Variants in WDR27 observed in about 807,000 individuals in gnomAD.
WDR27 encodes WD repeat domain 27, also known as WD repeat-containing protein 27.
WDR27 carries 100 observed loss-of-function variants against 114.4 expected under a neutral mutation model. The observed-to-expected ratio is 0.87, with a 90% CI of 0.74 to 1.03. The LOEUF (loss-of-function observed/expected upper bound fraction) is 1.03, where lower values mean the gene tolerates loss of function less well. Ranked by LOEUF, WDR27 falls within the 50% of genes least tolerant of loss-of-function variation. The probability of loss-of-function intolerance (pLI) is 0.00; values close to 1 mark genes in which losing one functional copy is unlikely to be tolerated. For synonymous variants in WDR27, 449 were observed against 423.1 expected (o/e 1.06, Z -0.75); for missense variants, 1,129 against 1,092.9 (o/e 1.03, Z -0.47).
At chr6:169,455,778 T>C (rs1004369107), downstream of WDR27, among the ~76,000 whole-genome samples, 2 of 152,266 alleles carry the variant, frequency 1.3e-5, no homozygotes, top group African/African-American at 4.8e-5. Flanking sequence ...TATACTGCTA[T>C]TCTTATGCTG....
intron 25 of WDR27, among the ~76,000 whole-genome samples, chr6:169,551,303 G>A (rs1051363688): frequency 1.3e-5 from 2 of 152,046 alleles, no homozygotes; most frequent in Non-Finnish European, 2.9e-5. Flanking sequence ...TAGACACAGA[G>A]AGACCCCACG....
chr6:169,651,188 G>A (rs1030983185), intron 14 of WDR27, among the ~76,000 whole-genome samples: 5 of 111,138 alleles, frequency 4.5e-5, no homozygotes, highest in African/African-American at 9.0e-5. Context: ...CGGGGCGGGG[G>A]GGGGGAGTGG....
chr6:169,465,225 T>C (rs1328545234), intron 25 of WDR27, among the ~76,000 whole-genome samples: 2 of 130,210 alleles, frequency 1.5e-5, no homozygotes, highest in Non-Finnish European at 3.0e-5. Flanking sequence ...ACCATTGCAC[T>C]CCAGCCTGGG....
the WDR27 span, among the ~76,000 whole-genome samples, chr6:169,431,747 G>C: frequency 6.6e-6 from 1 of 152,190 alleles, no homozygotes; most frequent in Admixed American, 6.5e-5. Flanking sequence ...TACTTGCCAA[G>C]ATAGTACCTC....
At chr6:169,505,621 T>C (rs1373171170) in intron 25 of WDR27, among the ~76,000 whole-genome samples, 1 of 152,204 alleles carries the variant, frequency 6.6e-6, no homozygotes, top group Non-Finnish European at 1.5e-5. Context: ...CCATCACATG[T>C]GAGTCTCCAG....
intron 21 of WDR27, among the ~76,000 whole-genome samples, chr6:169,621,551 C>T (rs1010527796): frequency 5.9e-5 from 9 of 151,276 alleles, no homozygotes; most frequent in Admixed American, 5.9e-4. Flanking sequence ...CATATACATA[C>T]ACACACGCAT....
At chr6:169,700,987 C>T (rs1787809706) in intron 1 of WDR27, among the ~76,000 whole-genome samples, 1 of 152,112 alleles carries the variant, frequency 6.6e-6, no homozygotes, top group Non-Finnish European at 1.5e-5. Flanking sequence ...TAGGTAAGCA[C>T]TTCAGGAAAA....
chr6:169,664,447 C>T (rs1272851129), intron 7 of WDR27, 161 bp from the exon 8 acceptor site: 8 of 1,487,376 alleles, frequency 5.4e-6, no homozygotes, highest in Non-Finnish European at 7.1e-6. Flanking sequence ...TTCAACATCC[C>T]CTCTGGAGGC....
intron 2 of WDR27, among the ~76,000 whole-genome samples, chr6:169,679,417 G>A (rs966862299): frequency 2.0e-5 from 3 of 152,188 alleles, no homozygotes; most frequent in Non-Finnish European, 4.4e-5. Context: ...AAATGTAGGG[G>A]ACCAGGAGTA....
intron 22 of WDR27, among the ~76,000 whole-genome samples, chr6:169,612,957 C>T (rs943836966): frequency 1.1e-4 from 17 of 152,148 alleles, no homozygotes; most frequent in African/African-American, 4.1e-4. Context: ...CAACAGTAAA[C>T]AACAATTATT....
At chr6:169,586,141 T>C (rs1256844538) in intron 23 of WDR27, among the ~76,000 whole-genome samples, 1 of 152,194 alleles carries the variant, frequency 6.6e-6, no homozygotes, top group Non-Finnish European at 1.5e-5. Context: ...ACTCCTCTGG[T>C]GTGGTGTCTG....
At chr6:169,666,785 C>A in intron 6 of WDR27, 1 of 1,012,932 alleles carries the variant, frequency 9.9e-7, no homozygotes, top group Non-Finnish European at 1.2e-6. Flanking sequence ...ACAGGGCAGT[C>A]CTGGCCCTAC....
intron 2 of WDR27, among the ~76,000 whole-genome samples, chr6:169,673,427 A>T (rs896271779): frequency 2.0e-5 from 3 of 151,634 alleles, no homozygotes; most frequent in African/African-American, 4.9e-5. Flanking sequence ...ACACACACAC[A>T]CTATATATAT....
At chr6:169,619,381 G>C (rs1812610065) in intron 21 of WDR27, among the ~76,000 whole-genome samples, 1 of 151,944 alleles carries the variant, frequency 6.6e-6, no homozygotes, top group African/African-American at 2.4e-5. Context: ...CTTGTCGACA[G>C]AAAGAGTAAA....
intron 25 of WDR27, among the ~76,000 whole-genome samples, chr6:169,570,125 G>C (rs940413097): frequency 6.6e-6 from 1 of 152,084 alleles, no homozygotes; most frequent in Non-Finnish European, 1.5e-5. Context: ...ACGTGGACTC[G>C]GCAGATCTCT....
chr6:169,643,601 T>C (rs1255219222), intron 17 of WDR27, 96 bp downstream of exon 17: 2 of 1,029,754 alleles, frequency 1.9e-6, no homozygotes, highest in Admixed American at 2.4e-5. Context: ...GCTGATGTCC[T>C]GAAGGAAACA....
At chr6:169,660,259 G>C (rs1209687365) in intron 10 of WDR27, among the ~76,000 whole-genome samples, 1 of 152,128 alleles carries the variant, frequency 6.6e-6, no homozygotes, top group Admixed American at 6.5e-5. Context: ...CTGGGGAAGG[G>C]AGCCAGGGTT....
chr6:169,510,823 G>A (rs1792740939), intron 25 of WDR27, among the ~76,000 whole-genome samples: 1 of 152,090 alleles, frequency 6.6e-6, no homozygotes, highest in Non-Finnish European at 1.5e-5. Flanking sequence ...TTTTCTGAAT[G>A]AGAACAATTT....
In WDR27 at chr6:169,638,667, GGAAT is replaced by G. The variant is rs774217990; in HGVS notation, c.1748-11_1748-8del. 6.3e-7 allele frequency: 1 copy of G among 1,597,506 alleles called. No homozygotes were observed. Among genetic ancestry groups the G allele is most frequent in the Non-Finnish European group, 8.5e-7 (1 of 1,172,050 alleles). On this transcript the variant is annotated splice_polypyrimidine_tract_variant and splice_region_variant and intron_variant, in intron 17 of 25. Transcript: ENST00000448612. ...TTCACTGCCCCGTCGTGACCTAACA[GGAAT>G]GACCACAGAAGGTTACTATTTCTAC...
Sources: gnomAD v4.1 joint callset for allele counts (sites outside exome capture counted in the v4.1 genomes callset) on GRCh38, gnomAD v4.1.1 for gene constraint, MANE v1.5 for transcripts, NCBI Gene and HGNC (gene_info 2026-07-23, HGNC 2026-07-21) for gene names.